ALDH4A1: variants seen among roughly 807,000 people sequenced by gnomAD.
ALDH4A1 encodes the protein aldehyde dehydrogenase 4 family member A1.
In ALDH4A1, 46 loss-of-function variants were observed where a neutral mutation model predicts 70.5. The observed-to-expected ratio is 0.65, with a 90% CI of 0.51 to 0.83. The LOEUF (loss-of-function observed/expected upper bound fraction) is 0.83, where lower values mean the gene tolerates loss of function less well. Ranked by LOEUF, ALDH4A1 falls within the 40% of genes least tolerant of loss-of-function variation. The pLI is 0.00. For missense variants in ALDH4A1, 749 were observed against 766.5 expected (o/e 0.98, Z 0.27); for synonymous variants, 323 against 324.3 (o/e 1.00, Z 0.04).
intron 1 of ALDH4A1, 130 bp downstream of exon 1, chr1:18,902,332 A>G: frequency 1.4e-6 from 1 of 706,086 alleles, no homozygotes; most frequent in South Asian, 3.3e-5. Context: ...CCCCTGAGGA[A>G]CCCGGCGTTG....
At position 18,893,551 on chromosome 1, in the gene ALDH4A1, G is replaced by A. The variant is rs192266634; in HGVS notation, c.63-3446C>T. On this transcript the variant is annotated intron_variant, in intron 1 of 14. Coordinates refer to ENST00000375341, the MANE Select transcript of ALDH4A1 (RefSeq NM_003748.4). ...GGAGTCTTACTCTGTCACCCAGGCT[G>A]AAGTGCAGTGGTGCGATCTCAGCTC... Among the ~76,000 whole-genome samples the A allele has an allele frequency of 1.7e-3, 261 of 152,082 alleles. 1 individual carries two copies. Among genetic ancestry groups the A allele is most frequent in the Non-Finnish European group, 2.1e-3 (146 of 68,000 alleles).
At chr1:18,873,973 C>T (rs1934561587) in intron 14 of ALDH4A1, among the ~76,000 whole-genome samples, 2 of 152,158 alleles carry the variant, frequency 1.3e-5, no homozygotes, top group Non-Finnish European at 1.5e-5. Context: ...GTGGGGTCTG[C>T]ACTAACCCCA....
In ALDH4A1 at chr1:18,890,100, C is replaced by A. The variant is rs370773796; in HGVS notation, c.68G>T (p.Arg23Leu). The A allele has an allele frequency of 6.2e-7, 1 of 1,611,182 alleles. No individual in the cohort carries two copies. The highest frequency in any genetic ancestry group is 1.3e-5 in the African/African-American group (1 of 75,014). Residue 23 changes from arginine to leucine, a missense_variant, in exon 2 of 15, where the codon CGG (arginine) becomes CTG (leucine). Transcript: ENST00000375341. The stretch of plus-strand genomic sequence containing the variant: ...CTTCAGGGAGGAGGTGTGCTTCCAC[C>A]GCAGGCTGGAACACAAGGGCAGGGG... Reference protein sequence around the residue: ...LSRPWTGAGLRWKHTSSLKVA... With the variant: ...LSRPWTGAGLLWKHTSSLKVA...
intron 8 of ALDH4A1, among the ~76,000 whole-genome samples, chr1:18,881,269 T>C (rs1191395031): frequency 6.6e-6 from 1 of 152,040 alleles, no homozygotes; most frequent in African/African-American, 2.4e-5. Context: ...TCCCAACATA[T>C]ATATTCTTCT....
At chr1:18,901,534 C>G (rs980715079) in intron 1 of ALDH4A1, among the ~76,000 whole-genome samples, 9 of 152,194 alleles carry the variant, frequency 5.9e-5, no homozygotes, top group Non-Finnish European at 1.3e-4. Context: ...AACCTAGCTC[C>G]GAGCTGGAGG....
At chr1:18,892,566 G>GC (rs939002977) in intron 1 of ALDH4A1, among the ~76,000 whole-genome samples, 5 of 151,576 alleles carry the variant, frequency 3.3e-5, no homozygotes, top group African/African-American at 1.2e-4. Context: ...GGCGGGGGGG[G>GC]GCTGAGAGGG....
chr1:18,872,996 C>A, intron 14 of ALDH4A1, 39 bp from the exon 15 acceptor site: 1 of 1,543,454 alleles, frequency 6.5e-7, no homozygotes, highest in Non-Finnish European at 8.9e-7. Context: ...TGAAAAGATG[C>A]AACAGCCTGG....
chr1:18,875,943 C>A (rs906021880), intron 12 of ALDH4A1, among the ~76,000 whole-genome samples: 2 of 152,226 alleles, frequency 1.3e-5, no homozygotes. Flanking sequence ...AGTGCCTTGA[C>A]CTCAGTTTCT....
At chr1:18,896,352 G>A (rs891620435) in intron 1 of ALDH4A1, among the ~76,000 whole-genome samples, 1 of 152,184 alleles carries the variant, frequency 6.6e-6, no homozygotes, top group African/African-American at 2.4e-5. Context: ...TGGACTCCAA[G>A]GCCAGTGCTC....
intron 14 of ALDH4A1, 62 bp downstream of exon 14, chr1:18,874,401 C>T (rs35657817): frequency 0.26 from 388,411 of 1,465,828 alleles, 54,931 homozygotes; most frequent in African/African-American, 0.37. Context: ...CCCCTCGAGA[C>T]GTAACATCTA....
chr1:18,883,778 G>A (rs531318953), intron 5 of ALDH4A1, among the ~76,000 whole-genome samples: 10 of 152,332 alleles, frequency 6.6e-5, no homozygotes, highest in African/African-American at 2.4e-4. Flanking sequence ...CTAAATTCAG[G>A]ATCAGAGCCT....
Position 18,877,555 on chromosome 1 carries a change from A to ACCACGCTCT in ALDH4A1, c.989_997dup (p.Glu330_Val332dup). 6.3e-7 allele frequency: 1 copy of ACCACGCTCT among 1,599,092 alleles called. No individual in the cohort carries two copies. The highest frequency in any genetic ancestry group is 1.1e-5 in the South Asian group (1 of 90,796). ...GAAGGCTGAGCGGAGGGTCCCGCTC[A>ACCACGCTCT]CCACGCTCTCCACGTCGGCCGAGCG... On this transcript the variant is annotated inframe_insertion, in exon 10 of 15. Transcript: ENST00000375341.
intron 14 of ALDH4A1, among the ~76,000 whole-genome samples, chr1:18,873,559 C>A (rs535305810): frequency 2.0e-5 from 3 of 152,256 alleles, no homozygotes; most frequent in Non-Finnish European, 2.9e-5. Context: ...TTGAATCAAT[C>A]GTGCCTGTGT....
intron 1 of ALDH4A1, among the ~76,000 whole-genome samples, chr1:18,899,101 C>T (rs7551139): frequency 0.015 from 2,248 of 152,238 alleles, 56 homozygotes; most frequent in African/African-American, 0.051. Context: ...ATGGGCTCAC[C>T]GAGGTGGCCA....
intron 5 of ALDH4A1, among the ~76,000 whole-genome samples, chr1:18,884,578 C>T (rs1427721557): frequency 6.6e-6 from 1 of 152,186 alleles, no homozygotes; most frequent in African/African-American, 2.4e-5. Flanking sequence ...CAGAGAAAAC[C>T]ATTGATCAGG....
In ALDH4A1 at chr1:18,886,451, C is replaced by CA; in HGVS notation, c.297+12dup. On this transcript the variant is annotated intron_variant, in intron 4 of 14. Coordinates refer to ENST00000375341, the MANE Select transcript of ALDH4A1 (RefSeq NM_003748.4). Reference sequence around the variant, plus strand: ...CCCTAACCCCGGGTCACCAGGCACACAGGCTCACTCACCTTGTCTGCATAA... The same window carrying CA: ...CCCTAACCCCGGGTCACCAGGCACACAAGGCTCACTCACCTTGTCTGCATAA... 1 of 1,614,152 alleles carries CA rather than the reference C, an allele frequency of 6.2e-7. No individual in the cohort carries two copies. Among genetic ancestry groups the CA allele is most frequent in the Non-Finnish European group, 8.5e-7 (1 of 1,179,980 alleles).
chr1:18,874,782 G>C (rs772454798), intron 13 of ALDH4A1, among the ~76,000 whole-genome samples: 6 of 152,334 alleles, frequency 3.9e-5, no homozygotes, highest in Non-Finnish European at 8.8e-5. Flanking sequence ...TCCTCCTCTG[G>C]GGAGGGGCTT....
At chr1:18,899,456 C>T (rs1935725959) in intron 1 of ALDH4A1, among the ~76,000 whole-genome samples, 1 of 152,218 alleles carries the variant, frequency 6.6e-6, no homozygotes, top group Non-Finnish European at 1.5e-5. Context: ...TATAAGCCTA[C>T]TACATGCCTG....
At chr1:18,883,741 G>A (rs1935084760) in intron 5 of ALDH4A1, among the ~76,000 whole-genome samples, 1 of 152,202 alleles carries the variant, frequency 6.6e-6, no homozygotes, top group Non-Finnish European at 1.5e-5. Context: ...GTGGTGCATG[G>A]CAAAGGATCT....
Sources: gnomAD v4.1 joint callset for allele counts (sites outside exome capture counted in the v4.1 genomes callset) on GRCh38, gnomAD v4.1.1 for gene constraint, MANE v1.5 for transcripts, NCBI Gene and HGNC (gene_info 2026-07-23, HGNC 2026-07-21) for gene names.